Variants in SGCZ observed in about 807,000 individuals in gnomAD.
SGCZ encodes the protein sarcoglycan zeta.
A neutral mutation model predicts 41.3 loss-of-function variants in SGCZ; 40 were observed. The ratio of observed to expected loss-of-function variants is 0.97; its 90% CI spans 0.75 to 1.26. SGCZ has a LOEUF of 1.26. Among genes scored for constraint, SGCZ ranks in the 50% most tolerant of loss-of-function variants. SGCZ has a pLI of 0.00. For synonymous variants in SGCZ, 206 were observed against 137.5 expected (o/e 1.50, Z -3.49); for missense variants, 552 against 369.8 (o/e 1.49, Z -4.04).
intron 1 of SGCZ, among the ~76,000 whole-genome samples, chr8:14,926,808 T>C (rs1585385293): frequency 6.6e-6 from 1 of 151,934 alleles, no homozygotes; most frequent in Non-Finnish European, 1.5e-5. Flanking sequence ...ACCCAGCTAA[T>C]TTTTTTACTT....
At chr8:14,226,327 C>T (rs953822330) in intron 4 of SGCZ, among the ~76,000 whole-genome samples, 3 of 152,028 alleles carry the variant, frequency 2.0e-5, no homozygotes, top group African/African-American at 7.2e-5. Flanking sequence ...ATCATTACTA[C>T]AGTCAAAATA....
At chr8:14,216,408 A>C (rs1287460543) in intron 4 of SGCZ, among the ~76,000 whole-genome samples, 1 of 148,920 alleles carries the variant, frequency 6.7e-6, no homozygotes, top group Non-Finnish European at 1.5e-5. Flanking sequence ...TTATGAGGCC[A>C]GCGTTACTCG....
chr8:14,666,574 T>C (rs1407427406), intron 1 of SGCZ, among the ~76,000 whole-genome samples: 1 of 151,352 alleles, frequency 6.6e-6, no homozygotes, highest in African/African-American at 2.4e-5. Flanking sequence ...CTTTTTTCTG[T>C]AGATAAACCA....
chr8:14,285,189 C>T (rs10503491), intron 3 of SGCZ, among the ~76,000 whole-genome samples: 32,444 of 151,998 alleles, frequency 0.21, 3,658 homozygotes, highest in East Asian at 0.3. Context: ...TCTAATAAAT[C>T]TCCAGCTGTT....
intron 3 of SGCZ, among the ~76,000 whole-genome samples, chr8:14,317,953 G>C (rs1445269479): frequency 6.6e-6 from 1 of 151,340 alleles, no homozygotes; most frequent in African/African-American, 2.4e-5. Flanking sequence ...CAAAAACAAA[G>C]GAATCACTCT....
chr8:15,083,950 G>C (rs1805857417), intron 1 of SGCZ, among the ~76,000 whole-genome samples: 1 of 151,836 alleles, frequency 6.6e-6, no homozygotes, highest in Non-Finnish European at 1.5e-5. Flanking sequence ...TTTTAAGATT[G>C]CTGCGTTCTA....
intron 1 of SGCZ, among the ~76,000 whole-genome samples, chr8:15,053,368 G>A (rs1249132878): frequency 6.6e-6 from 1 of 151,574 alleles, no homozygotes; most frequent in African/African-American, 2.4e-5. Flanking sequence ...CAGCCTTTCT[G>A]CCTGACTTAG....
Position 14,088,973 on chromosome 8 carries a change from T to C in SGCZ, c.*1470A>G, listed in dbSNP as rs114792834. On this transcript the variant is annotated 3_prime_UTR_variant, in exon 8 of 8. Transcript: ENST00000382080. ...TGCATGAGGGAGAAAAACGTTTGATTGACATGTGAAAATTCAGGACTTACC... is the reference window on the plus strand; with the variant it reads ...TGCATGAGGGAGAAAAACGTTTGATCGACATGTGAAAATTCAGGACTTACC... Among the ~76,000 whole-genome samples, 1,461 of 151,988 alleles carry C rather than the reference T, an allele frequency of 9.6e-3. 29 individuals carry two copies. The highest frequency in any genetic ancestry group is 0.033 in the African/African-American group (1,375 of 41,516).
chr8:14,852,468 T>C (rs1279498372), intron 1 of SGCZ, among the ~76,000 whole-genome samples: 2 of 152,168 alleles, frequency 1.3e-5, no homozygotes, highest in Non-Finnish European at 2.9e-5. Context: ...TTATATGTGA[T>C]TGAGTAAAAG....
intron 4 of SGCZ, among the ~76,000 whole-genome samples, chr8:14,171,229 G>C (rs1224402478): frequency 7.4e-6 from 1 of 135,126 alleles, no homozygotes; most frequent in East Asian, 2.2e-4. Flanking sequence ...GCTACATTTT[G>C]ACACATGTAT....
Position 14,898,579 on chromosome 8 carries a change from G to A in SGCZ, c.39+339006C>T, listed in dbSNP as rs756565060. 5.5e-4 allele frequency among the ~76,000 whole-genome samples: 84 copies of A among 152,160 alleles called. 1 individual carries two copies. Among genetic ancestry groups the A allele is most frequent in the Non-Finnish European group, 1.5e-4 (10 of 68,022 alleles). On this transcript the variant is annotated intron_variant, in intron 1 of 7. Transcript: ENST00000382080. ...TAAAAGCAAGAATAATGGGAAAGAT[G>A]GTTATTGGACTTGGGTGACAGGAAT...
intron 3 of SGCZ, among the ~76,000 whole-genome samples, chr8:14,285,904 G>T (rs533691381): frequency 6.6e-6 from 1 of 152,028 alleles, no homozygotes; most frequent in Admixed American, 6.6e-5. Context: ...TAAAAAAGGA[G>T]ACATCCTATG....
chr8:14,239,303 G>A (rs2117172842), intron 3 of SGCZ, among the ~76,000 whole-genome samples: 1 of 151,240 alleles, frequency 6.6e-6, no homozygotes, highest in African/African-American at 2.4e-5. Context: ...TTCAATCTTG[G>A]CAAAATTCAA....
chr8:14,661,038 C>G (rs1351830540), intron 1 of SGCZ, among the ~76,000 whole-genome samples: 1 of 152,004 alleles, frequency 6.6e-6, no homozygotes, highest in Non-Finnish European at 1.5e-5. Context: ...GGGTTCTTCC[C>G]AGAATCCCTC....
chr8:14,755,628 T>A (rs1400236628), intron 1 of SGCZ, among the ~76,000 whole-genome samples: 1 of 152,170 alleles, frequency 6.6e-6, no homozygotes, highest in Non-Finnish European at 1.5e-5. Flanking sequence ...CTGGAAAATA[T>A]ATACAAAGAG....
intron 2 of SGCZ, among the ~76,000 whole-genome samples, chr8:14,467,709 C>A (rs532838483): frequency 6.6e-6 from 1 of 152,156 alleles, no homozygotes; most frequent in East Asian, 1.9e-4. Flanking sequence ...TATTTTCGGT[C>A]CTTCCTACAC....
intron 2 of SGCZ, among the ~76,000 whole-genome samples, chr8:14,338,226 G>A (rs1434949815): frequency 2.0e-5 from 3 of 152,174 alleles, no homozygotes; most frequent in African/African-American, 7.2e-5. Context: ...AGACTCCTAA[G>A]AAAGGAGGAG....
intron 1 of SGCZ, among the ~76,000 whole-genome samples, chr8:14,578,913 G>T (rs1236163473): frequency 6.6e-6 from 1 of 151,964 alleles, no homozygotes; most frequent in Non-Finnish European, 1.5e-5. Context: ...GTTTTTGTAT[G>T]GATCACTCTT....
intron 3 of SGCZ, among the ~76,000 whole-genome samples, chr8:14,256,821 T>C (rs1409400103): frequency 6.6e-6 from 1 of 152,216 alleles, no homozygotes; most frequent in Non-Finnish European, 1.5e-5. Flanking sequence ...ATCATCAAAC[T>C]GTCTAATATT....
Sources: allele counts gnomAD v4.1 joint callset (sites outside exome capture counted in the v4.1 genomes callset), GRCh38; gene constraint gnomAD v4.1.1; transcripts MANE v1.5; gene names NCBI Gene and HGNC (gene_info 2026-07-23, HGNC 2026-07-21).